Variants in SDK1 observed in about 807,000 individuals in gnomAD.
SDK1 encodes protein sidekick-1.
In SDK1, 157 loss-of-function variants were observed where a neutral mutation model predicts 245.5. The observed-to-expected ratio is 0.64, with a 90% CI of 0.56 to 0.73. SDK1 has a LOEUF of 0.73. Among genes scored for constraint, SDK1 ranks in the 30% least tolerant of loss-of-function variants. SDK1 has a pLI of 0.00. For missense variants in SDK1, 3,583 were observed against 3,002.3 expected, an observed-to-expected ratio of 1.19 and a Z score of -4.52; for synonymous variants, 1,647 against 1,278.5, an observed-to-expected ratio of 1.29 and a Z score of -6.15.
At chr7:3,701,600 A>C (rs1444487574) in intron 4 of SDK1, among the ~76,000 whole-genome samples, 2 of 152,198 alleles carry the variant, frequency 1.3e-5, no homozygotes, top group African/African-American at 4.8e-5. Context: ...CCCTGTCTCA[A>C]AAAAACCCAA....
Position 4,208,298 on chromosome 7 carries a change from C to T in SDK1, c.5401+13C>T, listed in dbSNP as rs758595865. 3.1e-6 allele frequency: 5 copies of T among 1,610,080 alleles called. No individual in the cohort carries two copies. The highest frequency in any genetic ancestry group is 2.2e-5 in the East Asian group (1 of 44,772). On this transcript the variant is annotated intron_variant, in intron 37 of 44. Coordinates refer to ENST00000404826, the MANE Select transcript of SDK1 (RefSeq NM_152744.4). ...ACCCACCAGGCCGGTAGGAGGAAGG[C>T]GGGTTTCCTTTGGGCAGGCCTCCTT... is the stretch of plus-strand genomic sequence containing the variant.
chr7:4,050,196 T>C (rs1413102084), intron 18 of SDK1, among the ~76,000 whole-genome samples: 1 of 152,194 alleles, frequency 6.6e-6, no homozygotes, highest in Non-Finnish European at 1.5e-5. Context: ...GTTTCCTCAA[T>C]ACCTGGTAAT....
At chr7:3,906,162 G>A (rs950199972) in intron 5 of SDK1, among the ~76,000 whole-genome samples, 2 of 152,014 alleles carry the variant, frequency 1.3e-5, no homozygotes, top group Non-Finnish European at 2.9e-5. Context: ...TCACCTTTGA[G>A]TTTTTAATTC....
intron 22 of SDK1, among the ~76,000 whole-genome samples, chr7:4,095,697 C>T (rs894770759): frequency 4.6e-5 from 7 of 152,194 alleles, no homozygotes; most frequent in African/African-American, 1.7e-4. Flanking sequence ...CTCAGCCTCC[C>T]AAGTAGCTGG....
At chr7:3,524,382 A>AT (rs1783048316) in intron 1 of SDK1, among the ~76,000 whole-genome samples, 1 of 152,148 alleles carries the variant, frequency 6.6e-6, no homozygotes, top group Non-Finnish European at 1.5e-5. Context: ...GGGGAGATCA[A>AT]TTAGGGGGCT....
Position 3,382,949 on chromosome 7 carries a change from G to GA in SDK1, c.298+81068dup, listed in dbSNP as rs1261809385. On this transcript the variant is annotated intron_variant, in intron 1 of 44. Coordinates refer to ENST00000404826, the MANE Select transcript of SDK1 (RefSeq NM_152744.4). ...TTTTGAAGCTTATTTTGGGTAAAAA[G>GA]AAAGATTACCTTTCTATCTTCTCAC... Among the ~76,000 whole-genome samples, 5 of 152,094 alleles carry GA rather than the reference G, an allele frequency of 3.3e-5. No homozygotes were observed. In the East Asian group the frequency reaches 9.6e-4, roughly 29 times the overall value.
In SDK1 at chr7:4,178,525, C is replaced by A. The variant is rs1584379757; in HGVS notation, c.5037C>A (p.Ala1679=). The change falls in exon 35 of 45, where the codon GCC becomes GCA. Residue 1679 remains alanine (A), a synonymous_variant. Transcript: ENST00000404826. ...GGCGCTATGAAGTAATAATGACCGCCTATAACATCATCGGCGAGAGCCCAG... is the reference window on the plus strand; with the variant it reads ...GGCGCTATGAAGTAATAATGACCGCATATAACATCATCGGCGAGAGCCCAG... ...KYRRYEVIMT[A]YNIIGESPAS... The A allele has an allele frequency of 1.2e-6, 2 of 1,613,878 alleles. No homozygotes were observed. Among genetic ancestry groups the A allele is most frequent in the Non-Finnish European group, 1.7e-6 (2 of 1,179,996 alleles).
At chr7:3,905,372 A>G (rs1056112580) in intron 5 of SDK1, among the ~76,000 whole-genome samples, 3 of 152,214 alleles carry the variant, frequency 2.0e-5, no homozygotes, top group African/African-American at 7.2e-5. Context: ...CTGGATGTAT[A>G]TAAAACTCTA....
At chr7:3,565,401 T>C (rs1052755993) in intron 1 of SDK1, among the ~76,000 whole-genome samples, 1 of 152,200 alleles carries the variant, frequency 6.6e-6, no homozygotes, top group African/African-American at 2.4e-5. Flanking sequence ...GCTCATTACC[T>C]CTGCTGCTAC....
At chr7:3,920,144 A>G (rs1200123638) in intron 5 of SDK1, among the ~76,000 whole-genome samples, 1 of 152,232 alleles carries the variant, frequency 6.6e-6, no homozygotes, top group East Asian at 1.9e-4. Context: ...GTGTCCGGGA[A>G]AATGATGGAG....
intron 2 of SDK1, among the ~76,000 whole-genome samples, chr7:3,627,527 A>G (rs1355284621): frequency 6.6e-6 from 1 of 152,198 alleles, no homozygotes; most frequent in African/African-American, 2.4e-5. Flanking sequence ...TCCGTGGTAG[A>G]AAGGTCAAAT....
In SDK1 at chr7:4,265,289, C is replaced by T. The variant is rs774899679; in HGVS notation, c.6547C>T (p.His2183Tyr). ...VAGSEAGAQLHPVITTQSAGG... is the reference protein window; with the variant it reads ...VAGSEAGAQLYPVITTQSAGG... ...GGGCTCCGAGGCGGGCGCGCAGCTG[C>T]ACCCGGTCATCACCACGCAGAGCGC... is the stretch of plus-strand genomic sequence containing the variant. The change falls in exon 45 of 45, where the codon CAC becomes TAC. Residue 2183 changes from histidine to tyrosine, a missense_variant. His to Tyr is a moderately conservative substitution (Grantham distance 83). Coordinates refer to ENST00000404826, the MANE Select transcript of SDK1 (RefSeq NM_152744.4). 2.1e-5 allele frequency: 33 copies of T among 1,583,908 alleles called. No individual in the cohort carries two copies. The highest frequency in any genetic ancestry group is 1.7e-5 in the Non-Finnish European group (20 of 1,172,188).
intron 23 of SDK1, among the ~76,000 whole-genome samples, chr7:4,112,181 T>A (rs571293983): frequency 1.3e-5 from 2 of 152,206 alleles, no homozygotes; most frequent in South Asian, 4.2e-4. Flanking sequence ...TGAACATTGG[T>A]TCAGTCTGGA....
chr7:4,029,170 T>C lies in SDK1; in HGVS notation c.2602+11818T>C, dbSNP rs370613203. On this transcript the variant is annotated intron_variant, in intron 17 of 44. Coordinates refer to ENST00000404826, the MANE Select transcript of SDK1 (RefSeq NM_152744.4). The stretch of plus-strand genomic sequence containing the variant: ...GGGTCACTGAATTGATAGACCTAAA[T>C]ACCATATTCATCCTGTAGCTTGATT... Among the ~76,000 whole-genome samples the C allele has an allele frequency of 3.0e-3, 454 of 150,292 alleles. 3 individuals are homozygous for C. Among genetic ancestry groups the C allele is most frequent in the South Asian group, 0.02 (90 of 4,524 alleles).
chr7:3,585,436 G>C (rs938126898), intron 1 of SDK1, among the ~76,000 whole-genome samples: 2 of 152,180 alleles, frequency 1.3e-5, no homozygotes, highest in Non-Finnish European at 2.9e-5. Flanking sequence ...ATAAGTTGAG[G>C]GGATAGGTAG....
intron 1 of SDK1, among the ~76,000 whole-genome samples, chr7:3,372,649 G>C (rs534025651): frequency 1.3e-5 from 2 of 152,248 alleles, no homozygotes; most frequent in African/African-American, 4.8e-5. Context: ...GTTGATTGTT[G>C]TGTGAGATGG....
At chr7:4,183,725 T>A (rs1460906733) in intron 35 of SDK1, among the ~76,000 whole-genome samples, 1 of 152,158 alleles carries the variant, frequency 6.6e-6, no homozygotes, top group Non-Finnish European at 1.5e-5. Context: ...CAGCCTTTTA[T>A]TAGCTTTACA....
intron 32 of SDK1, among the ~76,000 whole-genome samples, chr7:4,172,351 G>A (rs1781899310): frequency 6.6e-6 from 1 of 152,190 alleles, no homozygotes; most frequent in South Asian, 2.1e-4. Context: ...ATGCGTGAGT[G>A]TTGAACGCGT....
At chr7:3,739,561 C>T (rs1779417110) in intron 4 of SDK1, among the ~76,000 whole-genome samples, 1 of 152,120 alleles carries the variant, frequency 6.6e-6, no homozygotes, top group Non-Finnish European at 1.5e-5. Context: ...TTAAAATATA[C>T]TGTTGAGTCC....
Sources: allele counts gnomAD v4.1 joint callset (sites outside exome capture counted in the v4.1 genomes callset), GRCh38; gene constraint gnomAD v4.1.1; transcripts MANE v1.5; gene names NCBI Gene and HGNC (gene_info 2026-07-23, HGNC 2026-07-21).